Variants in LRP1B observed in about 807,000 individuals in gnomAD.
The protein encoded by LRP1B is low-density lipoprotein receptor-related protein 1B.
Under a neutral mutation model 556.6 loss-of-function variants are expected in LRP1B, and 217 were observed. That is an observed-to-expected ratio of 0.39 (90% CI 0.35 to 0.44). The LOEUF (loss-of-function observed/expected upper bound fraction) is 0.44. Among genes scored for constraint, LRP1B ranks in the 20% least tolerant of loss-of-function variants. LRP1B has a pLI of 1.00. For synonymous variants in LRP1B, 2,047 were observed against 1,865.8 expected, an observed-to-expected ratio of 1.10 and a Z score of -2.50; for missense variants, 5,053 against 5,620.8, an observed-to-expected ratio of 0.90 and a Z score of 3.23.
chr2:140,893,148 C>T (rs758787641), intron 23 of LRP1B, among the ~76,000 whole-genome samples: 2 of 151,994 alleles, frequency 1.3e-5, no homozygotes, highest in Non-Finnish European at 2.9e-5. Context: ...TCAACACTTC[C>T]TGCCTGACCT....
In LRP1B at chr2:141,679,170, C is replaced by T. The variant is rs144927044; in HGVS notation, c.205+131109G>A. 2.6e-5 allele frequency among the ~76,000 whole-genome samples: 4 copies of T among 152,178 alleles called. No homozygotes were observed. In the East Asian group the frequency reaches 7.7e-4, roughly 29 times the overall value. On this transcript the variant is annotated intron_variant, in intron 2 of 90. Transcript: ENST00000389484. ...GTATAACAGGCATTAGAGACTGAAT[C>T]CTGGTAATAACACACGAGTAAGCCT...
intron 1 of LRP1B, among the ~76,000 whole-genome samples, chr2:141,841,011 A>G (rs1351291815): frequency 6.6e-6 from 1 of 151,964 alleles, no homozygotes. Context: ...TATTTCTACC[A>G]GTTATGAGGT....
intron 3 of LRP1B, among the ~76,000 whole-genome samples, chr2:141,348,544 A>G (rs1349528321): frequency 6.6e-6 from 1 of 152,070 alleles, no homozygotes; most frequent in African/African-American, 2.4e-5. Context: ...TTAAATAACT[A>G]TAACTAAAAT....
intron 66 of LRP1B, among the ~76,000 whole-genome samples, chr2:140,437,187 G>C (rs1686220797): frequency 6.6e-6 from 1 of 152,162 alleles, no homozygotes; most frequent in African/African-American, 2.4e-5. Flanking sequence ...ACAGAGTGCA[G>C]ATCAGACCAA....
At chr2:141,650,090 G>T (rs1243472428) in intron 2 of LRP1B, among the ~76,000 whole-genome samples, 1 of 152,200 alleles carries the variant, frequency 6.6e-6, no homozygotes, top group Non-Finnish European at 1.5e-5. Context: ...TGAGGCAGGA[G>T]AATTGCCTGA....
chr2:140,685,112 T>G (rs1465481054), intron 41 of LRP1B, among the ~76,000 whole-genome samples: 1 of 152,216 alleles, frequency 6.6e-6, no homozygotes, highest in Non-Finnish European at 1.5e-5. Context: ...GAATCCTAAC[T>G]CCTTCTCATT....
At chr2:141,028,899 A>C (rs1173338069) in intron 11 of LRP1B, among the ~76,000 whole-genome samples, 1 of 152,140 alleles carries the variant, frequency 6.6e-6, no homozygotes, top group Non-Finnish European at 1.5e-5. Context: ...AACCAAGTGA[A>C]ACATACGCAG....
At chr2:140,712,191 C>T (rs1252960150) in intron 37 of LRP1B, among the ~76,000 whole-genome samples, 1 of 152,090 alleles carries the variant, frequency 6.6e-6, no homozygotes, top group Admixed American at 6.6e-5. Context: ...CGGAGTGGTC[C>T]TTATCCACTG....
At chr2:142,101,247 A>G (rs1467500300) in intron 1 of LRP1B, among the ~76,000 whole-genome samples, 1 of 151,980 alleles carries the variant, frequency 6.6e-6, no homozygotes, top group African/African-American at 2.4e-5. Context: ...GCAATTAAAC[A>G]CTCTCAAATG....
At chr2:141,073,556 T>G in intron 7 of LRP1B, among the ~76,000 whole-genome samples, 1 of 152,104 alleles carries the variant, frequency 6.6e-6, no homozygotes, top group African/African-American at 2.4e-5. Flanking sequence ...AATAACTCAC[T>G]AATATTCTAG....
intron 29 of LRP1B, among the ~76,000 whole-genome samples, chr2:140,849,198 T>TAAAAA (rs1352302960): frequency 1.8e-4 from 3 of 16,928 alleles, no homozygotes; most frequent in South Asian, 4.0e-3. Context: ...CTACTAAAAA[T>TAAAAA]ACAAAAAAAA....
chr2:140,938,062 A>G (rs925612088), intron 20 of LRP1B, among the ~76,000 whole-genome samples: 19 of 151,976 alleles, frequency 1.3e-4, no homozygotes, highest in African/African-American at 4.1e-4. Context: ...ACAGGATGCA[A>G]TCAGCTCCTT....
chr2:141,829,902 A>C (rs2105743881), intron 1 of LRP1B, among the ~76,000 whole-genome samples: 1 of 152,116 alleles, frequency 6.6e-6, no homozygotes, highest in Admixed American at 6.6e-5. Context: ...GTAGCTTCAA[A>C]GATTTAGAAT....
intron 1 of LRP1B, among the ~76,000 whole-genome samples, chr2:142,063,962 C>A (rs1259613293): frequency 2.6e-5 from 4 of 151,544 alleles, no homozygotes; most frequent in African/African-American, 9.7e-5. Flanking sequence ...AAGATTCACA[C>A]ATACAATGAT....
intron 2 of LRP1B, among the ~76,000 whole-genome samples, chr2:141,546,212 C>T (rs1685546346): frequency 6.6e-6 from 1 of 152,106 alleles, no homozygotes; most frequent in African/African-American, 2.4e-5. Flanking sequence ...CAGCTGAACC[C>T]ACTCACGATA....
chr2:142,126,378 G>A (rs1485848729), intron 1 of LRP1B, among the ~76,000 whole-genome samples: 8 of 151,530 alleles, frequency 5.3e-5, no homozygotes, highest in East Asian at 1.9e-4. Context: ...TTTTAATGGC[G>A]TTTGTGCCAA....
At chr2:141,705,924 C>G (rs1245524890) in intron 2 of LRP1B, among the ~76,000 whole-genome samples, 1 of 152,008 alleles carries the variant, frequency 6.6e-6, no homozygotes, top group Non-Finnish European at 1.5e-5. Flanking sequence ...TATTCTGCCC[C>G]CAACCCACAT....
In LRP1B at chr2:142,094,601, A is replaced by G. The variant is rs184122148; in HGVS notation, c.82+36047T>C. On this transcript the variant is annotated intron_variant, in intron 1 of 90. Transcript: ENST00000389484. ...TATAATATTATTAGTTAAATGCTGT[A>G]AAAACTAAAATGATTGTTAAATTGA... Among the ~76,000 whole-genome samples the G allele has an allele frequency of 2.9e-4, 44 of 152,156 alleles. No individual in the cohort carries two copies. In the East Asian group the frequency reaches 8.5e-3, roughly 29 times the overall value.
intron 55 of LRP1B, among the ~76,000 whole-genome samples, chr2:140,496,619 AT>A (rs1299289433): frequency 6.6e-6 from 1 of 151,992 alleles, no homozygotes; most frequent in Non-Finnish European, 1.5e-5. Flanking sequence ...TGCCACGTGT[AT>A]TTTTTGCCTT....
Sources: allele counts gnomAD v4.1 joint callset (sites outside exome capture counted in the v4.1 genomes callset), GRCh38; gene constraint gnomAD v4.1.1; transcripts MANE v1.5; gene names NCBI Gene and HGNC (gene_info 2026-07-23, HGNC 2026-07-21).